The following C12orf43 variants were observed in gnomAD, a reference collection of about 807,000 sequenced individuals.
C12orf43 encodes chromosome 12 open reading frame 43.
A neutral mutation model predicts 20.6 loss-of-function variants in C12orf43; 15 were observed. The observed-to-expected ratio is 0.73, with a 90% CI of 0.49 to 1.12. The LOEUF (loss-of-function observed/expected upper bound fraction) is 1.12. Ranked by LOEUF, C12orf43 falls within the 50% of genes most tolerant of loss-of-function variation. The pLI is 0.00. For missense variants in C12orf43, 334 were observed against 344.4 expected (o/e 0.97, Z 0.24); for synonymous variants, 144 against 130.8 (o/e 1.10, Z -0.69).
Position 121,016,454 on chromosome 12 carries a change from T to G in C12orf43, c.21A>C (p.Thr7=), listed in dbSNP as rs2258227. The G allele has an allele frequency of 8.0e-5, 129 of 1,614,002 alleles. No individual in the cohort carries two copies. The highest frequency in any genetic ancestry group is 1.9e-4 in the African/African-American group (14 of 75,016). The stretch of plus-strand genomic sequence containing the variant: ...TGTTACTACTTTCCGAATCGCTCAC[T>G]GTGCCACTGGGCGCCGCCATCTTGA... MAAPSG[T]VSDSESSNSS... The change falls in exon 1 of 6, where the codon ACA becomes ACC. Residue 7 remains threonine (T), a synonymous_variant. Coordinates refer to ENST00000288757, the MANE Select transcript of C12orf43 (RefSeq NM_022895.3).
At chr12:121,012,640 C>T in intron 1 of C12orf43, 1 of 545,410 alleles carries the variant, frequency 1.8e-6, no homozygotes, top group South Asian at 1.9e-5. Context: ...ATCACGAGGT[C>T]AAGAGATCGA....
At chr12:121,012,466 C>G (rs1035226657) in intron 1 of C12orf43, 2 of 702,430 alleles carry the variant, frequency 2.8e-6, no homozygotes, top group South Asian at 3.0e-5. Flanking sequence ...TGCTGTGCAG[C>G]GTGAGACTGT....
chr12:121,002,159 AG>A lies in C12orf43; in HGVS notation c.*1993del, dbSNP rs973982155. On this transcript the variant is annotated 3_prime_UTR_variant, in exon 6 of 6. Coordinates refer to ENST00000288757, the MANE Select transcript of C12orf43 (RefSeq NM_022895.3). ...CAGGGCCGGGGAACTGGCCAAGCTGAGGTGCCCAGGAGAAGAAAGAGGTGAC... is the reference window on the plus strand; with the variant it reads ...CAGGGCCGGGGAACTGGCCAAGCTGAGTGCCCAGGAGAAGAAAGAGGTGAC... The A allele has an allele frequency of 2.0e-6, 1 of 499,318 alleles. No individual in the cohort carries two copies. The highest frequency in any genetic ancestry group is 3.9e-6 in the Non-Finnish European group (1 of 258,804). 30.9% of individuals were successfully genotyped at this position (499,318 alleles called of 1,614,324 possible). A position where few individuals can be genotyped will look rare whatever the true frequency, so the allele number is the denominator to read the frequency against.
chr12:121,011,236 A>C, intron 1 of C12orf43, 90 bp from the exon 2 acceptor site: 1 of 1,057,772 alleles, frequency 9.5e-7, no homozygotes, highest in Non-Finnish European at 1.5e-6. Flanking sequence ...GCAGCTTAAA[A>C]TACATATAAC....
In C12orf43 at chr12:121,003,912, G is replaced by A. The variant is rs908686428; in HGVS notation, c.*241C>T. The stretch of plus-strand genomic sequence containing the variant: ...AATGTTCTGGAACCACAGCGCCCCC[G>A]CCAGCCCTCCGTGGGAGCACAGAGG... On this transcript the variant is annotated 3_prime_UTR_variant, in exon 6 of 6. Coordinates refer to ENST00000288757, the MANE Select transcript of C12orf43 (RefSeq NM_022895.3). 8 of 581,696 alleles carry A rather than the reference G, an allele frequency of 1.4e-5. No homozygotes were observed. Among genetic ancestry groups the A allele is most frequent in the African/African-American group, 5.6e-5 (3 of 53,536 alleles). 36.0% of individuals were successfully genotyped at this position (581,696 alleles called of 1,614,324 possible).
rs535276257 is a variant in C12orf43, at chr12:121,001,457, G to A, written c.*2696C>T. The A allele has an allele frequency of 2.1e-5, 11 of 516,804 alleles. No homozygotes were observed. Among genetic ancestry groups the A allele is most frequent in the South Asian group, 4.1e-5 (2 of 49,110 alleles). 32.0% of individuals were successfully genotyped at this position (516,804 alleles called of 1,614,324 possible). A position where few individuals can be genotyped will look rare whatever the true frequency, so the allele number is the denominator to read the frequency against. Reference sequence around the variant, plus strand: ...CATGGCAGATGTAGGAGGGACTGTCGCTGCTTCGTGGGATACAGTCTTCTT... The same window carrying A: ...CATGGCAGATGTAGGAGGGACTGTCACTGCTTCGTGGGATACAGTCTTCTT... On this transcript the variant is annotated 3_prime_UTR_variant, in exon 6 of 6. Transcript: ENST00000288757.
chr12:121,015,269 G>A (rs1868798618), intron 1 of C12orf43, among the ~76,000 whole-genome samples: 1 of 152,144 alleles, frequency 6.6e-6, no homozygotes, highest in African/African-American at 2.4e-5. Flanking sequence ...GGGGTGAGAG[G>A]GGCAGACTAT....
At chr12:121,012,581 G>C (rs2254971) in intron 1 of C12orf43, 284,484 of 666,312 alleles carry the variant, frequency 0.43, 64,550 homozygotes, top group East Asian at 0.72. Context: ...GGCCGGGCGC[G>C]GTGGCTCACG....
Position 121,002,454 on chromosome 12 carries a change from C to T in C12orf43, c.*1699G>A, listed in dbSNP as rs934049630. The T allele has an allele frequency of 9.4e-6, 5 of 529,350 alleles. No homozygotes were observed. Among genetic ancestry groups the T allele is most frequent in the Middle Eastern group, 3.0e-4 (1 of 3,364 alleles). The allele number at this position is 529,350 out of a possible 1,614,324, so 32.8% of individuals were successfully genotyped here. On this transcript the variant is annotated 3_prime_UTR_variant, in exon 6 of 6. Coordinates refer to ENST00000288757, the MANE Select transcript of C12orf43 (RefSeq NM_022895.3). Reference sequence around the variant, plus strand: ...GCACCCCCTGCAGCTTGTAGCCAGCCGGGGCGAGTGGCACGTTTATTTAAC... The same window carrying T: ...GCACCCCCTGCAGCTTGTAGCCAGCTGGGGCGAGTGGCACGTTTATTTAAC...
Position 121,010,885 on chromosome 12 carries a change from T to G in C12orf43, c.230A>C (p.Gln77Pro). ...GTGGGCTCGGAATTCAGGGGTGGTC[T>G]GAAGCTCGTTGCCATCTTGTTCATG... ...NEHEQDGNEL[Q>P]TTPEFRAHVA... Residue 77 changes from glutamine to proline, a missense_variant, in exon 3 of 6, where the codon CAG (glutamine) becomes CCG (proline). Physicochemically the swap from Gln to Pro is moderately conservative, Grantham distance 76. Coordinates refer to ENST00000288757, the MANE Select transcript of C12orf43 (RefSeq NM_022895.3). 6.2e-7 allele frequency: 1 copy of G among 1,614,172 alleles called. No individual in the cohort carries two copies. Among genetic ancestry groups the G allele is most frequent in the Non-Finnish European group, 8.5e-7 (1 of 1,180,020 alleles).
Position 121,004,630 on chromosome 12 carries a change from G to A in C12orf43, c.453-141C>T. On this transcript the variant is annotated intron_variant, in intron 5 of 5. Transcript: ENST00000288757. The surrounding 1 kb of genome is among the most constrained non-coding windows in gnomAD (Gnocchi z 5.6). ...GTAGTGAGTTCAGGCTTGGGAGTGA[G>A]GCCAACCTGGCTTCCAATACTGGCT... is the stretch of plus-strand genomic sequence containing the variant. 1.2e-6 allele frequency: 1 copy of A among 823,668 alleles called. No individual in the cohort carries two copies. The highest frequency in any genetic ancestry group is 1.9e-6 in the Non-Finnish European group (1 of 533,148). The allele number at this position is 823,668 out of a possible 1,614,324, so 51.0% of individuals were successfully genotyped here.
intron 3 of C12orf43, chr12:121,006,625 G>A (rs1878048192): frequency 2.0e-6 from 1 of 500,540 alleles, no homozygotes; most frequent in Non-Finnish European, 3.6e-6. Context: ...AAGTGTTGAA[G>A]AAGTTTTAAA....
rs571084139 is a variant in C12orf43 at position 121,001,459 on chromosome 12, T to C, written c.*2694A>G. ...TGGCAGATGTAGGAGGGACTGTCGC[T>C]GCTTCGTGGGATACAGTCTTCTTAC... is the stretch of plus-strand genomic sequence containing the variant. On this transcript the variant is annotated 3_prime_UTR_variant, in exon 6 of 6. Transcript: ENST00000288757. The C allele has an allele frequency of 1.6e-4, 84 of 515,156 alleles. No individual in the cohort carries two copies. In the East Asian group the frequency reaches 2.7e-3, roughly 17 times the overall value. 31.9% of individuals were successfully genotyped at this position (515,156 alleles called of 1,614,324 possible).
At chr12:121,013,782 C>G (rs1190277962) in intron 1 of C12orf43, among the ~76,000 whole-genome samples, 1 of 152,300 alleles carries the variant, frequency 6.6e-6, no homozygotes, top group African/African-American at 2.4e-5. Context: ...CAGAGTGGCA[C>G]AGCAGCAATG....
At position 121,002,380 on chromosome 12, in the gene C12orf43, AG is replaced by A; in HGVS notation, c.*1772del. The A allele has an allele frequency of 2.0e-6, 1 of 509,468 alleles. No individual in the cohort carries two copies. The highest frequency in any genetic ancestry group is 2.6e-5 in the Admixed American group (1 of 38,772). 31.6% of individuals were successfully genotyped at this position (509,468 alleles called of 1,614,324 possible). On this transcript the variant is annotated 3_prime_UTR_variant, in exon 6 of 6. Coordinates refer to ENST00000288757, the MANE Select transcript of C12orf43 (RefSeq NM_022895.3). ...GCCTGCTGCTGAGAACCTGGCCTTC[AG>A]TGTACCGCGTCTACCCTGGGATTCA...
rs1324772504 is a variant in C12orf43, at chr12:121,001,698, C to T, written c.*2455G>A. 2.1e-6 allele frequency: 1 copy of T among 486,000 alleles called. No individual in the cohort carries two copies. Among genetic ancestry groups the T allele is most frequent in the East Asian group, 4.0e-5 (1 of 25,208 alleles). 30.1% of individuals were successfully genotyped at this position (486,000 alleles called of 1,614,324 possible). On this transcript the variant is annotated 3_prime_UTR_variant, in exon 6 of 6. Transcript: ENST00000288757. Reference sequence around the variant, plus strand: ...CACTCCTTCCTGCCCCAACTCCTTCCAGCTAGTGACCCACATGCCATTTGT... The same window carrying T: ...CACTCCTTCCTGCCCCAACTCCTTCTAGCTAGTGACCCACATGCCATTTGT...
chr12:121,005,087 C>A lies in C12orf43; in HGVS notation c.368G>T (p.Arg123Leu). The A allele has an allele frequency of 1.4e-6, 2 of 1,403,408 alleles. No homozygotes were observed. Among genetic ancestry groups the A allele is most frequent in the Non-Finnish European group, 1.9e-6 (2 of 1,063,084 alleles). The allele number at this position is 1,403,408 out of a possible 1,614,324, so 86.9% of individuals were successfully genotyped here. Residue 123 changes from arginine (R) to leucine (L), a missense_variant, in exon 5 of 6, where the codon CGC becomes CTC. Physicochemically the swap from Arg to Leu is moderately radical, Grantham distance 102. Transcript: ENST00000288757. This position sits in a 1 kb window ranked among gnomAD's most constrained non-coding sequence, Gnocchi z 5.6. ...QKVALEDDGF[R>L]LFFTSVPGGR... ...TCCAGGGACAGATGTGAAGAAAAGG[C>A]GGAAACCTAAGATTCAATGGGGCAG...
In C12orf43 at chr12:121,004,413, T is replaced by A; in HGVS notation, c.529A>T (p.Ile177Phe). The change falls in exon 6 of 6, where the codon ATC (isoleucine) becomes TTC (phenylalanine). Residue 177 changes from isoleucine (I) to phenylalanine (F), a missense_variant. Physicochemically the swap from Ile to Phe is conservative, Grantham distance 21. Transcript: ENST00000288757. The surrounding 1 kb of genome is among the most constrained non-coding windows in gnomAD (Gnocchi z 5.6). ...SASDILQESA[I>F]HSPGTVEKEA... Reference sequence around the variant, plus strand: ...TTCTCCACTGTTCCAGGGCTGTGGATGGCTGACTCCTGTAGGATGTCGGAC... The same window carrying A: ...TTCTCCACTGTTCCAGGGCTGTGGAAGGCTGACTCCTGTAGGATGTCGGAC... The A allele has an allele frequency of 1.9e-6, 3 of 1,614,014 alleles. No individual in the cohort carries two copies. The highest frequency in any genetic ancestry group is 2.5e-6 in the Non-Finnish European group (3 of 1,180,026).
chr12:121,014,779 G>C (rs1868748834), intron 1 of C12orf43, among the ~76,000 whole-genome samples: 1 of 151,840 alleles, frequency 6.6e-6, no homozygotes, highest in Admixed American at 6.6e-5. Context: ...AGGAGTTCGA[G>C]ACCAGCCTGG....
Sources: gnomAD v4.1 joint callset for allele counts (sites outside exome capture counted in the v4.1 genomes callset) on GRCh38, gnomAD v4.1.1 for gene constraint, Gnocchi (gnomAD v3.1) non-coding constraint, MANE v1.5 for transcripts, NCBI Gene and HGNC (gene_info 2026-07-23, HGNC 2026-07-21) for gene names.